DENND2C: variants seen among roughly 807,000 people sequenced by gnomAD.
DENND2C encodes DENN domain containing 2C.
Under a neutral mutation model 112.4 loss-of-function variants are expected in DENND2C, and 72 were observed. The ratio of observed to expected loss-of-function variants is 0.64; its 90% CI spans 0.53 to 0.78. DENND2C has a LOEUF of 0.78. Among genes scored for constraint, DENND2C ranks in the 30% least tolerant of loss-of-function variants. The probability of loss-of-function intolerance (pLI) is 0.00; values close to 1 mark genes in which losing one functional copy is unlikely to be tolerated. For synonymous variants in DENND2C, 329 were observed against 381.6 expected (o/e 0.86, Z 1.61); for missense variants, 992 against 1,113.8 (o/e 0.89, Z 1.56).
intron 3 of DENND2C, among the ~76,000 whole-genome samples, chr1:114,641,007 GAA>G (rs908561490): frequency 7.2e-5 from 11 of 152,018 alleles, no homozygotes; most frequent in African/African-American, 2.7e-4. Flanking sequence ...CAGAAATTCT[GAA>G]GAGAGAATAT....
intron 18 of DENND2C, among the ~76,000 whole-genome samples, chr1:114,593,556 G>T (rs903990075): frequency 3.9e-5 from 6 of 152,106 alleles, no homozygotes; most frequent in Non-Finnish European, 7.3e-5. Context: ...AGGCTAAGGC[G>T]GAAGGATTGC....
At chr1:114,635,936 G>T (rs1233964782) in intron 3 of DENND2C, among the ~76,000 whole-genome samples, 3 of 151,888 alleles carry the variant, frequency 2.0e-5, no homozygotes, top group Admixed American at 2.0e-4. Context: ...AACCCAGGTG[G>T]TGGAGGTTGC....
intron 1 of DENND2C, among the ~76,000 whole-genome samples, chr1:114,656,379 T>C (rs918522323): frequency 6.7e-6 from 1 of 149,104 alleles, no homozygotes; most frequent in Non-Finnish European, 1.5e-5. Flanking sequence ...CAGCCTGTTA[T>C]AAACATTCTT....
At chr1:114,612,445 G>A (rs189121239) in intron 8 of DENND2C, among the ~76,000 whole-genome samples, 2 of 150,410 alleles carry the variant, frequency 1.3e-5, no homozygotes, top group East Asian at 2.0e-4. Flanking sequence ...TCTGCCTCCC[G>A]GACTCAACTG....
At position 114,607,144 on chromosome 1, in the gene DENND2C, C is replaced by T. The variant is rs140036239; in HGVS notation, c.1557+1542G>A. On this transcript the variant is annotated intron_variant, in intron 10 of 20. Transcript: ENST00000393274. Reference sequence around the variant, plus strand: ...GGGAATCAGGCAGTGGAGAACAGGACAACAAGAGAACTCATCCTAGGGAAG... The same window carrying T: ...GGGAATCAGGCAGTGGAGAACAGGATAACAAGAGAACTCATCCTAGGGAAG... 6.9e-3 allele frequency among the ~76,000 whole-genome samples: 1,046 copies of T among 152,316 alleles called. 10 individuals are homozygous for T. Among genetic ancestry groups the T allele is most frequent in the African/African-American group, 0.023 (955 of 41,570 alleles).
chr1:114,584,480 T>A lies in DENND2C; in HGVS notation c.*1120A>T, dbSNP rs1347457299. On this transcript the variant is annotated 3_prime_UTR_variant, in exon 21 of 21. Coordinates refer to ENST00000393274, the MANE Select transcript of DENND2C (RefSeq NM_001256404.2). ...TTAGTAGAGACAGAGTTTCACCATG[T>A]TGCCAGGCTGGTCTCGAACTCCTGA... The A allele has an allele frequency of 1.3e-5, 2 of 152,186 alleles. No individual in the cohort carries two copies. The highest frequency in any genetic ancestry group is 4.8e-5 in the African/African-American group (2 of 41,408). The allele number at this position is 152,186 out of a possible 1,614,324, so 9.4% of individuals were successfully genotyped here. A position where few individuals can be genotyped will look rare whatever the true frequency, so the allele number is the denominator to read the frequency against.
chr1:114,657,324 AT>A (rs1252626351), intron 1 of DENND2C, among the ~76,000 whole-genome samples: 3 of 151,840 alleles, frequency 2.0e-5, no homozygotes, highest in Non-Finnish European at 2.9e-5. Flanking sequence ...ATCATATTTT[AT>A]TTTTTAAGAT....
At chr1:114,599,057 C>T (rs186522262) in intron 16 of DENND2C, among the ~76,000 whole-genome samples, 1 of 152,254 alleles carries the variant, frequency 6.6e-6, no homozygotes, top group East Asian at 1.9e-4. Context: ...AAGGTTACTA[C>T]TGTAAATAAG....
chr1:114,652,544 G>A (rs983595989), intron 2 of DENND2C, among the ~76,000 whole-genome samples: 5 of 151,928 alleles, frequency 3.3e-5, no homozygotes, highest in African/African-American at 1.2e-4. Flanking sequence ...GTATGTGTGG[G>A]GATTGGTTCC....
chr1:114,614,115 C>T (rs1655893417), intron 8 of DENND2C, among the ~76,000 whole-genome samples: 1 of 151,614 alleles, frequency 6.6e-6, no homozygotes, highest in South Asian at 2.1e-4. Context: ...GCCTGTGGTC[C>T]CAGCTACTCA....
At chr1:114,614,517 G>C (rs1655903194) in intron 8 of DENND2C, among the ~76,000 whole-genome samples, 1 of 152,164 alleles carries the variant, frequency 6.6e-6, no homozygotes, top group African/African-American at 2.4e-5. Context: ...TTACAATGTA[G>C]AGGCTGCTCC....
chr1:114,647,754 T>C (rs899013766), intron 2 of DENND2C, among the ~76,000 whole-genome samples: 20 of 151,936 alleles, frequency 1.3e-4, no homozygotes, highest in African/African-American at 3.6e-4. Flanking sequence ...TTATTACTTA[T>C]TAAGTGTTTA....
At chr1:114,592,577 A>AGGT (rs949783268) in intron 18 of DENND2C, among the ~76,000 whole-genome samples, 1 of 151,972 alleles carries the variant, frequency 6.6e-6, no homozygotes, top group African/African-American at 2.4e-5. Flanking sequence ...AAAACCAGCC[A>AGGT]GGTGTGAGGG....
At chr1:114,652,661 CTTTTTTTTT>C (rs55647145) in intron 2 of DENND2C, among the ~76,000 whole-genome samples, 279 of 109,824 alleles carry the variant, frequency 2.5e-3, no homozygotes, top group South Asian at 3.7e-3. Context: ...CTTACATTTA[CTTTTTTTTT>C]TTTTTTTTTT....
chr1:114,649,538 T>C (rs974762639), intron 2 of DENND2C, among the ~76,000 whole-genome samples: 3 of 152,106 alleles, frequency 2.0e-5, no homozygotes, highest in African/African-American at 7.2e-5. Context: ...CACATCTGGC[T>C]AATTTTTAAT....
At chr1:114,635,378 A>C (rs1656625948) in intron 3 of DENND2C, among the ~76,000 whole-genome samples, 1 of 144,232 alleles carries the variant, frequency 6.9e-6, no homozygotes, top group Non-Finnish European at 1.6e-5. Flanking sequence ...AAATCAATGA[A>C]ACAAAAAACT....
At chr1:114,659,592 T>C (rs1657432383) in intron 1 of DENND2C, among the ~76,000 whole-genome samples, 1 of 152,222 alleles carries the variant, frequency 6.6e-6, no homozygotes, top group Non-Finnish European at 1.5e-5. Context: ...GTGTCATTTG[T>C]CATAACAATG....
chr1:114,648,031 C>T (rs746502856), intron 2 of DENND2C, among the ~76,000 whole-genome samples: 3 of 152,190 alleles, frequency 2.0e-5, no homozygotes, highest in African/African-American at 7.2e-5. Context: ...TGGTCTCAAA[C>T]TCCTGACCTC....
In DENND2C at chr1:114,585,513, A is replaced by G; in HGVS notation, c.*87T>C. 1 of 1,431,428 alleles carries G rather than the reference A, an allele frequency of 7.0e-7. No individual in the cohort carries two copies. The highest frequency in any genetic ancestry group is 1.2e-5 in the South Asian group (1 of 84,092). The allele number at this position is 1,431,428 out of a possible 1,614,324, so 88.7% of individuals were successfully genotyped here. On this transcript the variant is annotated 3_prime_UTR_variant, in exon 21 of 21. Coordinates refer to ENST00000393274, the MANE Select transcript of DENND2C (RefSeq NM_001256404.2). ...CCTTTTAAAATTTCAAGAATTTTGT[A>G]GAATACTTCATGGGATCCTGACCCT... is the stretch of plus-strand genomic sequence containing the variant.
Sources: allele counts gnomAD v4.1 joint callset (sites outside exome capture counted in the v4.1 genomes callset), GRCh38; gene constraint gnomAD v4.1.1; transcripts MANE v1.5; gene names NCBI Gene and HGNC (gene_info 2026-07-23, HGNC 2026-07-21).